The following PSIP1 variants were observed in gnomAD, a reference collection of about 807,000 sequenced individuals.
The protein encoded by PSIP1 is PC4 and SFRS1-interacting protein.
PSIP1 carries 19 observed loss-of-function variants against 74.7 expected under a neutral mutation model. That is an observed-to-expected ratio of 0.25 (90% CI 0.18 to 0.37). The LOEUF is 0.37. PSIP1 is among the 10% of genes least tolerant of loss of function. The probability of loss-of-function intolerance (pLI) is 1.00; values close to 1 mark genes in which losing one functional copy is unlikely to be tolerated. For missense variants in PSIP1, 601 were observed against 614.3 expected (o/e 0.98, Z 0.23); for synonymous variants, 222 against 195.3 (o/e 1.14, Z -1.14).
At chr9:15,477,727 C>T (rs759807902) in intron 8 of PSIP1, among the ~76,000 whole-genome samples, 1 of 151,986 alleles carries the variant, frequency 6.6e-6, no homozygotes, top group Admixed American at 6.6e-5. Context: ...CCAAAAAACA[C>T]GCACAATTTC....
intron 14 of PSIP1, among the ~76,000 whole-genome samples, chr9:15,467,648 A>G (rs921947420): frequency 7.9e-5 from 12 of 152,226 alleles, no homozygotes; most frequent in African/African-American, 2.2e-4. Flanking sequence ...GCTGGATGAC[A>G]AGGACATGAG....
intron 8 of PSIP1, among the ~76,000 whole-genome samples, chr9:15,477,839 A>AT (rs2036156398): frequency 1.3e-5 from 2 of 152,130 alleles, no homozygotes; most frequent in Admixed American, 6.6e-5. Context: ...TCTAGAGGAG[A>AT]TAAAAAAAAG....
rs144322262 is a variant in PSIP1 at position 15,494,395 on chromosome 9, G to A, written c.150-4271C>T. Among the ~76,000 whole-genome samples the A allele has an allele frequency of 2.1e-3, 324 of 151,772 alleles. 3 individuals are homozygous for A. Among genetic ancestry groups the A allele is most frequent in the African/African-American group, 7.1e-3 (293 of 41,448 alleles). ...AGCCTGGCCAATGTGGCAAAATGCCGTCTCTACTAAAAATACAAAATTAGC... is the reference window on the plus strand; with the variant it reads ...AGCCTGGCCAATGTGGCAAAATGCCATCTCTACTAAAAATACAAAATTAGC... On this transcript the variant is annotated intron_variant, in intron 3 of 15. Coordinates refer to ENST00000380733, the MANE Select transcript of PSIP1 (RefSeq NM_033222.5).
rs530588515 is a variant in PSIP1, at chr9:15,483,453, G to C, written c.456+2553C>G. ...TCTACACCACTTAAAAAATCTATAA[G>C]ATCCTTGTCCTTCCAGTCTCATGCC... On this transcript the variant is annotated intron_variant, in intron 6 of 15. Transcript: ENST00000380733. 3.4e-5 allele frequency among the ~76,000 whole-genome samples: 5 copies of C among 147,004 alleles called. No individual in the cohort carries two copies. The South Asian group carries it at 6.4e-4, about 19-fold the overall frequency.
intron 2 of PSIP1, among the ~76,000 whole-genome samples, chr9:15,507,183 A>T (rs541488826): frequency 2.8e-4 from 43 of 152,360 alleles, no homozygotes; most frequent in African/African-American, 1.0e-3. Flanking sequence ...ATGTGCCTGA[A>T]TCACATGAGG....
In PSIP1 at chr9:15,510,092, A is replaced by C. The variant is rs1201035358; in HGVS notation, c.72+25T>G. ...TCTGGAGAGGAGGGTAGCACTGCTA[A>C]GCGCGAGGGCTACAAATCACTTACT... On this transcript the variant is annotated intron_variant, in intron 2 of 15. Transcript: ENST00000380733. 3 of 1,596,950 alleles carry C rather than the reference A, an allele frequency of 1.9e-6. No homozygotes were observed. The African/African-American group carries it at 4.1e-5, about 22-fold the overall frequency.
At chr9:15,505,987 G>A (rs1239862543) in intron 3 of PSIP1, 1 of 152,186 alleles carries the variant, frequency 6.6e-6, no homozygotes, top group East Asian at 1.9e-4. Context: ...CATTCTTCGG[G>A]AAATTAACGG....
intron 2 of PSIP1, among the ~76,000 whole-genome samples, chr9:15,507,124 C>T (rs1346822815): frequency 6.6e-6 from 1 of 152,174 alleles, no homozygotes; most frequent in Non-Finnish European, 1.5e-5. Flanking sequence ...AAGTTTAAAT[C>T]AGTACCTCCC....
chr9:15,473,927 C>CAAAAAAAAAAA (rs768554289), intron 9 of PSIP1, 82 bp downstream of exon 9: 6 of 514,848 alleles, frequency 1.2e-5, no homozygotes, highest in South Asian at 5.6e-5. Context: ...AAAAAAAAAA[C>CAAAAAAAAAAA]AAAAAAAAAA....
chr9:15,473,956 TATATATATAAACTAAGA>T, intron 9 of PSIP1, 36 bp downstream of exon 9: 1 of 1,077,830 alleles, frequency 9.3e-7, no homozygotes, highest in Non-Finnish European at 1.2e-6. Context: ...AAACAAAAAA[TATATATATAAACTAAGA>T]ATAGAACAGC....
At chr9:15,471,312 CTG>C in intron 10 of PSIP1, 2 of 1,568,086 alleles carry the variant, frequency 1.3e-6, no homozygotes, top group Non-Finnish European at 1.8e-6. Context: ...CAGAGCAAAA[CTG>C]TCCAAGTACA....
chr9:15,510,458 C>A (rs2037815842), intron 1 of PSIP1, 129 bp from the exon 2 acceptor site: 1 of 388,398 alleles, frequency 2.6e-6, no homozygotes, highest in East Asian at 4.4e-5. Flanking sequence ...CCTCCCCCGC[C>A]AGTGCGCTGC....
intron 4 of PSIP1, among the ~76,000 whole-genome samples, chr9:15,487,149 A>G (rs994347223): frequency 2.6e-5 from 4 of 150,974 alleles, no homozygotes; most frequent in Admixed American, 1.3e-4. Context: ...GTAGTGAACC[A>G]TGATTGCACC....
At chr9:15,510,014 G>A (rs1563905796) in intron 2 of PSIP1, 103 bp downstream of exon 2, 6 of 1,176,738 alleles carry the variant, frequency 5.1e-6, no homozygotes, top group Non-Finnish European at 6.0e-6. Context: ...AGACTAAAGC[G>A]AGGGAGAGAA....
intron 8 of PSIP1, among the ~76,000 whole-genome samples, chr9:15,474,855 CAAAT>C (rs780102535): frequency 1.3e-5 from 2 of 152,148 alleles, no homozygotes; most frequent in South Asian, 2.1e-4. Context: ...AATTCTTTTA[CAAAT>C]AAATACTTCA....
intron 3 of PSIP1, among the ~76,000 whole-genome samples, chr9:15,500,156 T>G (rs2037266288): frequency 6.6e-6 from 1 of 152,146 alleles, no homozygotes; most frequent in Non-Finnish European, 1.5e-5. Context: ...CTATTTCTCA[T>G]GAACCTGCTG....
chr9:15,501,088 T>C (rs2037320881), intron 3 of PSIP1, among the ~76,000 whole-genome samples: 1 of 152,144 alleles, frequency 6.6e-6, no homozygotes, highest in South Asian at 2.1e-4. Flanking sequence ...AAGATAATAT[T>C]ATCCCCACTT....
chr9:15,466,959 G>C, intron 14 of PSIP1, 100 bp from the exon 15 acceptor site: 3 of 800,080 alleles, frequency 3.7e-6, no homozygotes, highest in Non-Finnish European at 6.2e-6. Flanking sequence ...CATGGCCATC[G>C]TGTTTCTACT....
intron 3 of PSIP1, among the ~76,000 whole-genome samples, chr9:15,491,287 A>C (rs1311066828): frequency 1.3e-5 from 2 of 152,220 alleles, no homozygotes; most frequent in Non-Finnish European, 2.9e-5. Flanking sequence ...ACAAAAGCAA[A>C]AAAATGCATG....
Sources: allele counts gnomAD v4.1 joint callset (sites outside exome capture counted in the v4.1 genomes callset), GRCh38; gene constraint gnomAD v4.1.1; transcripts MANE v1.5; gene names NCBI Gene and HGNC (gene_info 2026-07-23, HGNC 2026-07-21).